TOP6BL: variants seen among roughly 807,000 people sequenced by gnomAD.
The protein encoded by TOP6BL is type 2 DNA topoisomerase 6 subunit B-like.
At chr11:66,833,947 C>CA in the TOP6BL span, among the ~76,000 whole-genome samples, 537 of 132,836 alleles carry the variant, frequency 4.0e-3, 1 homozygote, top group African/African-American at 9.7e-3. Flanking sequence ...GACTCTGTCT[C>CA]AAAAAAAAAA....
chr11:66,843,158 T>A, the TOP6BL span: 1 of 1,611,038 alleles, frequency 6.2e-7, no homozygotes, highest in East Asian at 2.2e-5. Context: ...CGGGCCCCCT[T>A]GTTCCCGCAG....
At chr11:66,750,496 C>G in the TOP6BL span, among the ~76,000 whole-genome samples, 2 of 152,014 alleles carry the variant, frequency 1.3e-5, no homozygotes, top group African/African-American at 4.8e-5. Flanking sequence ...TGCAGTGAGC[C>G]AAGATCGCAC....
At chr11:66,829,115 G>A in the TOP6BL span, among the ~76,000 whole-genome samples, 3 of 149,064 alleles carry the variant, frequency 2.0e-5, no homozygotes, top group Non-Finnish European at 4.4e-5. Context: ...GCCGGGCATA[G>A]TGGCTCACAC....
At chr11:66,799,807 T>C in the TOP6BL span, among the ~76,000 whole-genome samples, 2 of 151,682 alleles carry the variant, frequency 1.3e-5, no homozygotes, top group African/African-American at 4.8e-5. Context: ...AGGCTGGGTA[T>C]GATGGCTCAT....
the TOP6BL span, chr11:66,821,572 G>C: frequency 1.3e-6 from 2 of 1,505,874 alleles, 1 homozygote; most frequent in Middle Eastern, 4.3e-4. Flanking sequence ...GGTAATTTAA[G>C]ACTAGCTTTT....
At chr11:66,802,176 T>G in the TOP6BL span, among the ~76,000 whole-genome samples, 1 of 152,058 alleles carries the variant, frequency 6.6e-6, no homozygotes, top group Non-Finnish European at 1.5e-5. Flanking sequence ...TTTTTTTTTT[T>G]TGAGACGGAG....
chr11:66,834,047 G>A, the TOP6BL span, among the ~76,000 whole-genome samples: 6 of 152,140 alleles, frequency 3.9e-5, no homozygotes, highest in Non-Finnish European at 7.3e-5. Context: ...TTGGCATATG[G>A]CTAGTGAACT....
the TOP6BL span, chr11:66,828,266 G>A: frequency 2.7e-5 from 43 of 1,612,184 alleles, no homozygotes; most frequent in East Asian, 9.4e-4. Context: ...CCCATTTTAG[G>A]CAGCTGACAC....
the TOP6BL span, among the ~76,000 whole-genome samples, chr11:66,751,010 GTTAT>G: frequency 6.7e-6 from 1 of 149,404 alleles, no homozygotes; most frequent in Admixed American, 6.7e-5. Context: ...TGGCCAAGAT[GTTAT>G]TTATTTATTT....
chr11:66,751,791 C>G, the TOP6BL span, among the ~76,000 whole-genome samples: 2 of 152,134 alleles, frequency 1.3e-5, no homozygotes, highest in Admixed American at 1.3e-4. Context: ...ATTTACTCAT[C>G]ATGACCATAA....
the TOP6BL span, chr11:66,843,266 C>T: frequency 3.1e-6 from 5 of 1,603,770 alleles, no homozygotes; most frequent in East Asian, 2.2e-5. Flanking sequence ...GCCCACCGAT[C>T]CGGAGGCTGC....
chr11:66,820,709 C>T, the TOP6BL span, among the ~76,000 whole-genome samples: 1 of 152,364 alleles, frequency 6.6e-6, no homozygotes, highest in East Asian at 1.9e-4. Flanking sequence ...TAGACACACT[C>T]TATAGGACCT....
the TOP6BL span, among the ~76,000 whole-genome samples, chr11:66,746,263 C>G: frequency 0.011 from 1,639 of 152,150 alleles, 35 homozygotes; most frequent in African/African-American, 0.037. Context: ...GTGTTGCCTC[C>G]CTGTAAAAGT....
chr11:66,808,937 CAG>C, the TOP6BL span, among the ~76,000 whole-genome samples: 1 of 152,098 alleles, frequency 6.6e-6, no homozygotes, highest in African/African-American at 2.4e-5. Flanking sequence ...ACAACTGAGA[CAG>C]ATTTGTGTGT....
At chr11:66,744,845 G>GC in the TOP6BL span, 6 of 1,325,774 alleles carry the variant, frequency 4.5e-6, no homozygotes, top group South Asian at 4.6e-5. Flanking sequence ...GGCGGCGGCG[G>GC]GCGGGTACCC....
At chr11:66,762,256 C>T in the TOP6BL span, 5 of 536,394 alleles carry the variant, frequency 9.3e-6, no homozygotes, top group East Asian at 3.4e-5. Flanking sequence ...AGAACACGCG[C>T]GCAAACTGAG....
the TOP6BL span, among the ~76,000 whole-genome samples, chr11:66,806,119 G>T: frequency 6.6e-6 from 1 of 152,148 alleles, no homozygotes; most frequent in Non-Finnish European, 1.5e-5. Context: ...CAGAATTTTA[G>T]AGTCTCAGTT....
At chr11:66,768,676 T>G in the TOP6BL span, among the ~76,000 whole-genome samples, 1 of 152,004 alleles carries the variant, frequency 6.6e-6, no homozygotes, top group Non-Finnish European at 1.5e-5. Flanking sequence ...TTGTTTTTTT[T>G]TTTTTTTGCT....
the TOP6BL span, among the ~76,000 whole-genome samples, chr11:66,836,782 C>T: frequency 7.0e-6 from 1 of 142,710 alleles, no homozygotes; most frequent in African/African-American, 2.6e-5. Flanking sequence ...CTCACTGCAA[C>T]CTCTACCTCC....
Sources: gnomAD v4.1 joint callset for allele counts (sites outside exome capture counted in the v4.1 genomes callset) on GRCh38, gnomAD v4.1.1 for gene constraint, MANE v1.5 for transcripts, NCBI Gene and HGNC (gene_info 2026-07-23, HGNC 2026-07-21) for gene names.